Variants in EDA observed in about 807,000 individuals in gnomAD.
EDA encodes the protein ectodysplasin-A.
EDA carries 2 observed loss-of-function variants against 23.6 expected under a neutral mutation model. The observed-to-expected ratio is 0.08, with a 90% CI of 0.03 to 0.27. The LOEUF (loss-of-function observed/expected upper bound fraction) is 0.27, where lower values mean the gene tolerates loss of function less well. Among genes scored for constraint, EDA ranks in the 10% least tolerant of loss-of-function variants. EDA has a pLI of 1.00. For synonymous variants in EDA, 131 were observed against 132.0 expected, an observed-to-expected ratio of 0.99 and a Z score of 0.05; for missense variants, 229 against 324.2, an observed-to-expected ratio of 0.71 and a Z score of 2.26.
chrX:69,728,809 T>A (rs1188012011), intron 1 of EDA, among the ~76,000 whole-genome samples: 1 of 110,808 alleles, frequency 9.0e-6, no homozygotes, highest in African/African-American at 3.3e-5. Context: ...ATGATAGAGG[T>A]ACTAGATAGA....
chrX:69,799,800 G>A (rs2015634809), intron 1 of EDA, among the ~76,000 whole-genome samples: 1 of 70,075 alleles, frequency 1.4e-5, no homozygotes, highest in Non-Finnish European at 2.6e-5. Context: ...GTCAAAAACA[G>A]TATGCAGATT....
chrX:69,949,601 G>A (rs2018883937), intron 1 of EDA, among the ~76,000 whole-genome samples: 1 of 111,606 alleles, frequency 9.0e-6, no homozygotes, highest in Admixed American at 9.5e-5. Flanking sequence ...CCTGCCAATA[G>A]TGTATTGAAT....
At chrX:69,667,643 G>A (rs1286199914) in intron 1 of EDA, among the ~76,000 whole-genome samples, 9 of 111,147 alleles carry the variant, frequency 8.1e-5, no homozygotes, top group African/African-American at 2.6e-4. Flanking sequence ...GGTTTAGTTT[G>A]TGCTTCTTTT....
intron 1 of EDA, among the ~76,000 whole-genome samples, chrX:69,940,675 T>C (rs1458074560): frequency 1.8e-5 from 2 of 111,370 alleles, no homozygotes; most frequent in Non-Finnish European, 3.8e-5. Flanking sequence ...AGTAGGTGTA[T>C]ATATTTGTGA....
intron 1 of EDA, among the ~76,000 whole-genome samples, chrX:69,834,576 C>G (rs1437618001): frequency 4.7e-5 from 5 of 107,332 alleles, no homozygotes; most frequent in African/African-American, 6.8e-5. Flanking sequence ...GTAGATCTTC[C>G]TCCATCCCTT....
chrX:69,720,193 G>T (rs981726597), intron 1 of EDA, among the ~76,000 whole-genome samples: 1 of 112,055 alleles, frequency 8.9e-6, no homozygotes, highest in African/African-American at 3.2e-5. Flanking sequence ...TGTTTACTTT[G>T]AACACTTTGA....
chrX:69,822,530 G>C (rs1182081558), intron 1 of EDA, among the ~76,000 whole-genome samples: 1 of 110,870 alleles, frequency 9.0e-6, no homozygotes, highest in Non-Finnish European at 1.9e-5. Flanking sequence ...GTCAACGAGG[G>C]TGAGTGCCAA....
At chrX:69,937,893 T>A in intron 1 of EDA, 20 of 1,198,878 alleles carry the variant, frequency 1.7e-5, no homozygotes, top group Non-Finnish European at 2.1e-5. Flanking sequence ...ACCTGGAAAC[T>A]CGGTGTCCAT....
Position 69,790,079 on chromosome X carries a change from T to C in EDA, c.397-166948T>C, listed in dbSNP as rs1280270938. Among the ~76,000 whole-genome samples, 3 of 111,936 alleles carry C rather than the reference T, an allele frequency of 2.7e-5. No homozygotes were observed. In the East Asian group the frequency reaches 8.3e-4, roughly 31 times the overall value. ...GCATGGTGGCTGCTTGACTAAATTA[T>C]CCAATTCTTAACAAATCCTAATAGC... On this transcript the variant is annotated intron_variant, in intron 1 of 7. Transcript: ENST00000374552.
At chrX:69,638,793 C>G (rs1357531340) in intron 1 of EDA, among the ~76,000 whole-genome samples, 1 of 111,384 alleles carries the variant, frequency 9.0e-6, no homozygotes, top group Non-Finnish European at 1.9e-5. Context: ...TAAAATTTAT[C>G]ATTTTAGTCA....
chrX:69,833,310 T>C (rs1266205055), intron 1 of EDA, among the ~76,000 whole-genome samples: 3 of 106,969 alleles, frequency 2.8e-5, no homozygotes, highest in East Asian at 2.8e-4. Flanking sequence ...TGTGGTTTTT[T>C]TGTTGTTGTT....
chrX:69,781,277 G>A (rs1358391105), intron 1 of EDA, among the ~76,000 whole-genome samples: 1 of 111,123 alleles, frequency 9.0e-6, no homozygotes, highest in East Asian at 2.8e-4. Flanking sequence ...TAGAATTACT[G>A]GATCATATGG....
chrX:69,837,936 G>C (rs182194322), intron 1 of EDA, among the ~76,000 whole-genome samples: 2 of 112,428 alleles, frequency 1.8e-5, no homozygotes, highest in East Asian at 5.6e-4. Context: ...CCATTTTACA[G>C]CTTGACAATG....
At chrX:69,702,383 G>A (rs186377705) in intron 1 of EDA, among the ~76,000 whole-genome samples, 7 of 110,791 alleles carry the variant, frequency 6.3e-5, no homozygotes, top group South Asian at 3.9e-4. Flanking sequence ...AGGAGAGGGC[G>A]GTGGGGGAGG....
chrX:69,825,326 C>T (rs1283198465), intron 1 of EDA, among the ~76,000 whole-genome samples: 5 of 102,680 alleles, frequency 4.9e-5, no homozygotes, highest in African/African-American at 1.1e-4. Flanking sequence ...TCCATCTGGT[C>T]CTGGACTCTT....
chrX:69,825,646 C>T (rs1470867995), intron 1 of EDA, among the ~76,000 whole-genome samples: 2 of 113,290 alleles, frequency 1.8e-5, no homozygotes, highest in Non-Finnish European at 3.7e-5. Context: ...TCTCAAAAAC[C>T]CAGCTCCTGG....
intron 1 of EDA, among the ~76,000 whole-genome samples, chrX:69,686,796 A>G (rs1458954684): frequency 3.6e-5 from 4 of 111,900 alleles, no homozygotes; most frequent in African/African-American, 1.3e-4. Flanking sequence ...ATTCTATTAT[A>G]TAGTTATATT....
At chrX:69,780,428 A>G (rs1416212848) in intron 1 of EDA, among the ~76,000 whole-genome samples, 1 of 111,368 alleles carries the variant, frequency 9.0e-6, no homozygotes, top group Non-Finnish European at 1.9e-5. Flanking sequence ...TAACATATTA[A>G]CAGAGTTGTG....
At chrX:70,025,488 C>T (rs954827114) in intron 3 of EDA, among the ~76,000 whole-genome samples, 42 of 111,391 alleles carry the variant, frequency 3.8e-4, no homozygotes, top group Non-Finnish European at 6.6e-4. Context: ...GAAACTCAGT[C>T]TCATGAGGAA....
Sources: gnomAD v4.1 joint callset for allele counts (sites outside exome capture counted in the v4.1 genomes callset) on GRCh38, gnomAD v4.1.1 for gene constraint, MANE v1.5 for transcripts, NCBI Gene and HGNC (gene_info 2026-07-23, HGNC 2026-07-21) for gene names.